Variants in HCRTR2 observed in about 807,000 individuals in gnomAD.
HCRTR2 encodes the protein orexin receptor type 2.
HCRTR2 carries 22 observed loss-of-function variants against 49.0 expected under a neutral mutation model. That is an observed-to-expected ratio of 0.45 (90% CI 0.32 to 0.64). The LOEUF (loss-of-function observed/expected upper bound fraction) is 0.64, where lower values mean the gene tolerates loss of function less well. Ranked by LOEUF, HCRTR2 falls within the 30% of genes least tolerant of loss-of-function variation. The pLI, the probability that HCRTR2 is intolerant of heterozygous loss-of-function variation, is 0.04. For missense variants in HCRTR2, 491 were observed against 559.4 expected, an observed-to-expected ratio of 0.88 and a Z score of 1.23; for synonymous variants, 236 against 205.3, an observed-to-expected ratio of 1.15 and a Z score of -1.28.
chr6:55,206,981 T>C (rs1765613337), intron 1 of HCRTR2, among the ~76,000 whole-genome samples: 1 of 152,086 alleles, frequency 6.6e-6, no homozygotes, highest in Non-Finnish European at 1.5e-5. Context: ...TTAATTAACG[T>C]AAGACCATTT....
chr6:55,215,171 T>C (rs976041310), intron 1 of HCRTR2, among the ~76,000 whole-genome samples: 1 of 152,100 alleles, frequency 6.6e-6, no homozygotes, highest in Non-Finnish European at 1.5e-5. Context: ...AGAAGGAATT[T>C]TGAAAGCAGA....
chr6:55,234,743 T>C (rs1252671892), intron 1 of HCRTR2, among the ~76,000 whole-genome samples: 1 of 152,124 alleles, frequency 6.6e-6, no homozygotes, highest in African/African-American at 2.4e-5. Flanking sequence ...AGCTGGTAAG[T>C]GTAAAAACTA....
intron 1 of HCRTR2, among the ~76,000 whole-genome samples, chr6:55,226,222 T>A (rs1766001377): frequency 1.3e-5 from 2 of 152,250 alleles, no homozygotes; most frequent in African/African-American, 4.8e-5. Flanking sequence ...CTTGGTGGCT[T>A]CATTAATCCC....
At chr6:55,197,465 C>A (rs556930176) in intron 1 of HCRTR2, among the ~76,000 whole-genome samples, 1 of 152,108 alleles carries the variant, frequency 6.6e-6, no homozygotes, top group South Asian at 2.1e-4. Flanking sequence ...TACACTAACC[C>A]CAATTCTATC....
chr6:55,242,734 C>G (rs1766359838), intron 1 of HCRTR2, among the ~76,000 whole-genome samples: 1 of 152,134 alleles, frequency 6.6e-6, no homozygotes, highest in Admixed American at 6.6e-5. Flanking sequence ...AGCATATCAC[C>G]TTAGTTTACA....
At chr6:55,147,395 A>T (rs1047310713) in intron 1 of HCRTR2, among the ~76,000 whole-genome samples, 1 of 152,202 alleles carries the variant, frequency 6.6e-6, no homozygotes, top group African/African-American at 2.4e-5. Flanking sequence ...TTGCACAGAC[A>T]TATGCATACA....
chr6:55,274,186 T>C (rs1486959276), intron 4 of HCRTR2, among the ~76,000 whole-genome samples: 3 of 148,976 alleles, frequency 2.0e-5, no homozygotes, highest in Admixed American at 1.3e-4. Context: ...CCACAATGAA[T>C]ATATTTATTT....
At chr6:55,175,808 G>A (rs191043835) in intron 1 of HCRTR2, among the ~76,000 whole-genome samples, 1 of 152,088 alleles carries the variant, frequency 6.6e-6, no homozygotes, top group East Asian at 1.9e-4. Context: ...GGAAGGGAGG[G>A]ATAACTTGAA....
chr6:55,197,331 A>G (rs569918543), intron 1 of HCRTR2, among the ~76,000 whole-genome samples: 2 of 152,094 alleles, frequency 1.3e-5, no homozygotes, highest in East Asian at 3.9e-4. Flanking sequence ...TCCATCTGAA[A>G]CCCTCATCAG....
At chr6:55,239,158 T>C (rs976700385) in intron 1 of HCRTR2, among the ~76,000 whole-genome samples, 1 of 152,196 alleles carries the variant, frequency 6.6e-6, no homozygotes, top group African/African-American at 2.4e-5. Context: ...CTACCAGGTA[T>C]AGTCATTAAT....
intron 1 of HCRTR2, among the ~76,000 whole-genome samples, chr6:55,224,712 G>C (rs1234777850): frequency 6.6e-6 from 1 of 152,000 alleles, no homozygotes; most frequent in African/African-American, 2.4e-5. Flanking sequence ...CCTGTCATTT[G>C]CAACAACATG....
At chr6:55,269,304 ATT>A (rs1488959797) in intron 4 of HCRTR2, among the ~76,000 whole-genome samples, 1 of 152,058 alleles carries the variant, frequency 6.6e-6, no homozygotes, top group African/African-American at 2.4e-5. Context: ...TGCTACAACC[ATT>A]TTCATTCAAT....
At chr6:55,268,800 G>C (rs532391375) in intron 4 of HCRTR2, among the ~76,000 whole-genome samples, 86 of 152,132 alleles carry the variant, frequency 5.7e-4, no homozygotes, top group African/African-American at 2.0e-3. Flanking sequence ...GTAATGGATA[G>C]AAAACACAGG....
At chr6:55,193,358 C>T (rs1213304582) in intron 1 of HCRTR2, among the ~76,000 whole-genome samples, 2 of 151,988 alleles carry the variant, frequency 1.3e-5, no homozygotes, top group African/African-American at 4.8e-5. Flanking sequence ...ACTTTAACTT[C>T]AGGAGGCAGA....
chr6:55,142,940 C>G (rs1194997258), intron 1 of HCRTR2, among the ~76,000 whole-genome samples: 2 of 150,712 alleles, frequency 1.3e-5, no homozygotes, highest in African/African-American at 2.4e-5. Flanking sequence ...TGGGCACAAT[C>G]TACAAATAAA....
At chr6:55,174,846 T>C in intron 1 of HCRTR2, 36 bp downstream of exon 1, 1 of 1,537,686 alleles carries the variant, frequency 6.5e-7, no homozygotes, top group Non-Finnish European at 9.0e-7. Flanking sequence ...CTAGGGGCTA[T>C]CACCCCCTCT....
At chr6:55,251,846 A>G (rs2127314599) in intron 2 of HCRTR2, among the ~76,000 whole-genome samples, 1 of 152,146 alleles carries the variant, frequency 6.6e-6, no homozygotes, top group Non-Finnish European at 1.5e-5. Context: ...ACCTGAAGGC[A>G]GAAGAAAGTT....
chr6:55,113,269 A>T (rs1764074890), intron 1 of HCRTR2, among the ~76,000 whole-genome samples: 1 of 152,144 alleles, frequency 6.6e-6, no homozygotes, highest in South Asian at 2.1e-4. Flanking sequence ...ATAAGCAAAG[A>T]TAAATAGATG....
intron 3 of HCRTR2, among the ~76,000 whole-genome samples, chr6:55,263,389 T>A (rs1452266015): frequency 6.6e-6 from 1 of 152,102 alleles, no homozygotes; most frequent in Non-Finnish European, 1.5e-5. Context: ...ATTAGCCAGA[T>A]GTAATCAAGT....
Sources: allele counts gnomAD v4.1 joint callset (sites outside exome capture counted in the v4.1 genomes callset), GRCh38; gene constraint gnomAD v4.1.1; transcripts MANE v1.5; gene names NCBI Gene and HGNC (gene_info 2026-07-23, HGNC 2026-07-21).